SDC4: variants seen among roughly 807,000 people sequenced by gnomAD.
SDC4 encodes syndecan 4.
A neutral mutation model predicts 20.5 loss-of-function variants in SDC4; 17 were observed. The ratio of observed to expected loss-of-function variants is 0.83; its 90% CI spans 0.57 to 1.25. The LOEUF is 1.25. Ranked by LOEUF, SDC4 falls within the 50% of genes most tolerant of loss-of-function variation. SDC4 has a pLI of 0.00. For synonymous variants in SDC4, 107 were observed against 105.3 expected (o/e 1.02, Z -0.10); for missense variants, 241 against 252.3 (o/e 0.96, Z 0.30).
At chr20:45,344,003 A>G (rs1223218547) in intron 1 of SDC4, among the ~76,000 whole-genome samples, 1 of 152,238 alleles carries the variant, frequency 6.6e-6, no homozygotes, top group African/African-American at 2.4e-5. Context: ...CACCAAGCCA[A>G]TGTTTCAATG....
Position 45,326,354 on chromosome 20 carries a change from A to C in SDC4, c.*910T>G, listed in dbSNP as rs952947683. On this transcript the variant is annotated 3_prime_UTR_variant, in exon 5 of 5. Coordinates refer to ENST00000372733, the MANE Select transcript of SDC4 (RefSeq NM_002999.4). ...AAGAGAACAAAGAAAGAAGAGGGGA[A>C]GGGAGGCCCTATCTAAAGCTATAAA... 6.7e-6 allele frequency: 1 copy of C among 148,750 alleles called. No homozygotes were observed. Among genetic ancestry groups the C allele is most frequent in the Non-Finnish European group, 1.5e-5 (1 of 67,256 alleles). 9.2% of individuals were successfully genotyped at this position (148,750 alleles called of 1,614,324 possible).
chr20:45,335,677 A>T lies in SDC4; in HGVS notation c.199+105T>A, dbSNP rs6032120. On this transcript the variant is annotated intron_variant, in intron 2 of 4. Coordinates refer to ENST00000372733, the MANE Select transcript of SDC4 (RefSeq NM_002999.4). ...GAAGGAAGAAGGGCACTCTAGGAAA[A>T]GTCCCACAAAAATCCAAGTCTCAAG... 65 of 1,227,292 alleles carry T rather than the reference A, an allele frequency of 5.3e-5. 1 individual carries two copies. In the African/African-American group the frequency reaches 8.2e-4, roughly 16 times the overall value. The allele number at this position is 1,227,292 out of a possible 1,614,324, so 76.0% of individuals were successfully genotyped here. A position where few individuals can be genotyped will look rare whatever the true frequency, so the allele number is the denominator to read the frequency against.
chr20:45,345,466 A>G (rs1372875202), intron 1 of SDC4: 1 of 152,058 alleles, frequency 6.6e-6, no homozygotes, highest in Non-Finnish European at 1.5e-5. Flanking sequence ...TGGCCCAAAT[A>G]TTTTCGTGGG....
At chr20:45,338,854 C>T (rs1987914180) in intron 1 of SDC4, among the ~76,000 whole-genome samples, 1 of 152,190 alleles carries the variant, frequency 6.6e-6, no homozygotes, top group South Asian at 2.1e-4. Context: ...GGATTCGATC[C>T]TATTTCAAAG....
At chr20:45,327,458 A>C (rs1407743247) in intron 4 of SDC4, 43 bp from the exon 5 acceptor site, 2 of 1,593,972 alleles carry the variant, frequency 1.3e-6, no homozygotes, top group Non-Finnish European at 1.7e-6. Context: ...AGAGCTCCTC[A>C]TCAGGACCTA....
At chr20:45,345,581 T>A (rs566463751) in intron 1 of SDC4, 1 of 152,330 alleles carries the variant, frequency 6.6e-6, no homozygotes, top group South Asian at 2.1e-4. Flanking sequence ...TCCCATGTAA[T>A]CAAGAAGAGG....
At position 45,326,560 on chromosome 20, in the gene SDC4, G is replaced by GAT. The variant is rs1189943261; in HGVS notation, c.*702_*703dup. 6.6e-6 allele frequency: 1 copy of GAT among 152,282 alleles called. No homozygotes were observed. Among genetic ancestry groups the GAT allele is most frequent in the African/African-American group, 2.4e-5 (1 of 41,380 alleles). The allele number at this position is 152,282 out of a possible 1,614,324, so 9.4% of individuals were successfully genotyped here. On this transcript the variant is annotated 3_prime_UTR_variant, in exon 5 of 5. Coordinates refer to ENST00000372733, the MANE Select transcript of SDC4 (RefSeq NM_002999.4). ...ACCTCCACACTCTTGCCCAGGCAGA[G>GAT]ATATACACTCTGCACAAAGGAATGA...
rs143935532 is a variant in SDC4 at position 45,330,507 on chromosome 20, C to T, written c.304G>A (p.Glu102Lys). Reference sequence around the variant, plus strand: ...TCATTCTCCTCTAGTTTCTTGGGTTCGGTGGGGACTTGGCTCCCAGACCCT... The same window carrying T: ...TCATTCTCCTCTAGTTTCTTGGGTTTGGTGGGGACTTGGCTCCCAGACCCT... The part of the protein sequence containing the change: ...RAGSGSQVPT[E>K]PKKLEENEVI... Residue 102 changes from glutamate (E) to lysine (K), a missense_variant, in exon 4 of 5, where the codon GAA becomes AAA. Glu to Lys is a moderately conservative substitution (Grantham distance 56, BLOSUM62 1). Transcript: ENST00000372733. The T allele has an allele frequency of 6.9e-5, 112 of 1,614,102 alleles. No individual in the cohort carries two copies. The African/African-American group carries it at 1.2e-3, about 17-fold the overall frequency.
intron 4 of SDC4, among the ~76,000 whole-genome samples, chr20:45,328,414 T>G (rs781450053): frequency 1.3e-5 from 2 of 152,238 alleles, no homozygotes; most frequent in Non-Finnish European, 2.9e-5. Flanking sequence ...GCCTAGTGCA[T>G]AGCATATTCT....
At position 45,335,851 on chromosome 20, in the gene SDC4, C is replaced by A; in HGVS notation, c.130G>T (p.Asp44Tyr). ...CCGGGCCCCACTACATCCTCATCGT[C>A]TGGTAGGGCTCCGGAGAAGTATCGG... ...EGRYFSGALP[D>Y]DEDVVGPGQE... The change falls in exon 2 of 5, where the codon GAC becomes TAC. Residue 44 changes from aspartate (D) to tyrosine (Y), a missense_variant. Coordinates refer to ENST00000372733, the MANE Select transcript of SDC4 (RefSeq NM_002999.4). The A allele has an allele frequency of 3.1e-6, 5 of 1,614,072 alleles. No homozygotes were observed. In the South Asian group the frequency reaches 4.4e-5, roughly 14 times the overall value.
intron 1 of SDC4, chr20:45,345,762 G>GGAGTCCCCTCCACCCAAAGGTGTT (rs1988023225): frequency 6.6e-6 from 1 of 152,370 alleles, no homozygotes; most frequent in Non-Finnish European, 1.5e-5. Flanking sequence ...CCTTTAATTG[G>GGAGTCCCCTCCACCCAAAGGTGTT]CCTGAGAGGG....
rs200474606 is a variant in SDC4 at position 45,348,380 on chromosome 20, G to A, written c.5C>T (p.Ala2Val). 8.8e-5 allele frequency: 139 copies of A among 1,578,652 alleles called. 1 individual carries two copies. Among genetic ancestry groups the A allele is most frequent in the East Asian group, 1.4e-4 (6 of 42,166 alleles). MAPARLFALLLF... is the reference protein window; with the variant it reads MVPARLFALLLF... ...CAGCAGCGCGAACAGACGGGCGGGG[G>A]CCATGGCACCGCGGACTGGAGAAGG... Residue 2 changes from alanine (A) to valine (V), a missense_variant, in exon 1 of 5, where the codon GCC (alanine) becomes GTC (valine). By Grantham distance (64) the Ala-to-Val change is moderately conservative. Coordinates refer to ENST00000372733, the MANE Select transcript of SDC4 (RefSeq NM_002999.4).
chr20:45,336,230 T>C (rs981829009), intron 1 of SDC4, among the ~76,000 whole-genome samples: 3 of 152,084 alleles, frequency 2.0e-5, no homozygotes, highest in Non-Finnish European at 2.9e-5. Context: ...CTGGCCAACA[T>C]GGTGAAACCC....
intron 1 of SDC4, among the ~76,000 whole-genome samples, chr20:45,344,271 T>A (rs889134566): frequency 2.0e-5 from 3 of 149,334 alleles, no homozygotes; most frequent in Non-Finnish European, 3.0e-5. Context: ...CGGGACCTAG[T>A]ACAAACATGT....
rs540339021 is a variant in SDC4, at chr20:45,346,568, A to G, written c.60+1757T>C. Among the ~76,000 whole-genome samples, 30 of 152,336 alleles carry G rather than the reference A, an allele frequency of 2.0e-4. 1 individual carries two copies. The highest frequency in any genetic ancestry group is 6.7e-4 in the African/African-American group (28 of 41,582). On this transcript the variant is annotated intron_variant, in intron 1 of 4. Coordinates refer to ENST00000372733, the MANE Select transcript of SDC4 (RefSeq NM_002999.4). ...ATGTGACTGGGCACACGGTGACCTC[A>G]GCAACCTCCTGGGTCCTTTCCTCTT... is the stretch of plus-strand genomic sequence containing the variant.
chr20:45,342,571 G>A (rs755837571), intron 1 of SDC4, among the ~76,000 whole-genome samples: 2 of 152,170 alleles, frequency 1.3e-5, no homozygotes, highest in Non-Finnish European at 2.9e-5. Context: ...GAGCAGCCGA[G>A]CTCCCGGGCC....
intron 1 of SDC4, among the ~76,000 whole-genome samples, chr20:45,341,758 C>T (rs769689067): frequency 6.6e-6 from 1 of 152,148 alleles, no homozygotes; most frequent in Non-Finnish European, 1.5e-5. Context: ...TTTCACCAAG[C>T]CTCAGGGCAG....
chr20:45,340,613 C>A (rs2145715538), intron 1 of SDC4, among the ~76,000 whole-genome samples: 1 of 152,334 alleles, frequency 6.6e-6, no homozygotes, highest in Non-Finnish European at 1.5e-5. Flanking sequence ...GCTGGGGCAC[C>A]AGAGAGGAGT....
chr20:45,333,347 T>C (rs1987808133), intron 2 of SDC4, among the ~76,000 whole-genome samples: 1 of 152,060 alleles, frequency 6.6e-6, no homozygotes, highest in Non-Finnish European at 1.5e-5. Flanking sequence ...CAAAAACCAA[T>C]AGCAACACCT....
Sources: gnomAD v4.1 joint callset for allele counts (sites outside exome capture counted in the v4.1 genomes callset) on GRCh38, gnomAD v4.1.1 for gene constraint, MANE v1.5 for transcripts, NCBI Gene and HGNC (gene_info 2026-07-23, HGNC 2026-07-21) for gene names.